Variants in ADAMTS3 observed in about 807,000 individuals in gnomAD.
The protein encoded by ADAMTS3 is A disintegrin and metalloproteinase with thrombospondin motifs 3.
A neutral mutation model predicts 129.0 loss-of-function variants in ADAMTS3; 73 were observed. That is an observed-to-expected ratio of 0.57 (90% CI 0.47 to 0.69). The LOEUF is 0.69. ADAMTS3 is among the 30% of genes least tolerant of loss of function. The pLI is 0.00. For missense variants in ADAMTS3, 1,457 were observed against 1,514.5 expected, an observed-to-expected ratio of 0.96 and a Z score of 0.63; for synonymous variants, 477 against 510.8, an observed-to-expected ratio of 0.93 and a Z score of 0.89.
chr4:72,477,964 C>G (rs1420372266), intron 3 of ADAMTS3, among the ~76,000 whole-genome samples: 2 of 152,128 alleles, frequency 1.3e-5, no homozygotes, highest in Non-Finnish European at 2.9e-5. Context: ...AATTCTTCGA[C>G]ACATACACCC....
intron 19 of ADAMTS3, among the ~76,000 whole-genome samples, chr4:72,293,815 C>T (rs1718738417): frequency 6.6e-6 from 1 of 151,850 alleles, no homozygotes. Context: ...AAAGAAATTA[C>T]TTAGAAACAG....
At chr4:72,518,660 C>T (rs574354062) in intron 3 of ADAMTS3, among the ~76,000 whole-genome samples, 1 of 152,018 alleles carries the variant, frequency 6.6e-6, no homozygotes, top group East Asian at 1.9e-4. Flanking sequence ...GGATTGCAAC[C>T]CCTGCTTTTT....
intron 4 of ADAMTS3, among the ~76,000 whole-genome samples, chr4:72,348,583 T>C (rs1455414829): frequency 6.6e-6 from 1 of 152,038 alleles, no homozygotes; most frequent in East Asian, 1.9e-4. Flanking sequence ...CCTACGATTA[T>C]GTTATGTTAT....
rs1450744228 is a variant in ADAMTS3 at position 72,339,678 on chromosome 4, C to A, written c.677G>T (p.Gly226Val). 6.2e-7 allele frequency: 1 copy of A among 1,613,716 alleles called. No individual in the cohort carries two copies. The highest frequency in any genetic ancestry group is 1.7e-5 in the Admixed American group (1 of 59,970). The change falls in exon 5 of 22, where the codon GGC becomes GTC. Residue 226 changes from glycine (G) to valine (V), a missense_variant. By Grantham distance (109) the Gly-to-Val change is moderately radical. Coordinates refer to ENST00000286657, the MANE Select transcript of ADAMTS3 (RefSeq NM_014243.3). Reference protein sequence around the residue: ...DFHYRESDLEGLDDLGTVYGN... With the variant: ...DFHYRESDLEVLDDLGTVYGN... Reference sequence around the variant, plus strand: ...ATAAACAGTACCTAGATCATCAAGGCCTTCCAGGTCCGACTCTAATAAGAG... The same window carrying A: ...ATAAACAGTACCTAGATCATCAAGGACTTCCAGGTCCGACTCTAATAAGAG...
chr4:72,458,620 CTGAA>C (rs1718686676), intron 3 of ADAMTS3, among the ~76,000 whole-genome samples: 1 of 151,238 alleles, frequency 6.6e-6, no homozygotes, highest in Non-Finnish European at 1.5e-5. Context: ...CAATGAATAA[CTGAA>C]TGAATGATGA....
intron 3 of ADAMTS3, among the ~76,000 whole-genome samples, chr4:72,430,666 A>G (rs1177975692): frequency 6.6e-6 from 1 of 152,036 alleles, no homozygotes; most frequent in East Asian, 1.9e-4. Context: ...GATCTGTTCT[A>G]CAACGATGGA....
At chr4:72,350,612 C>A (rs1720409045) in intron 4 of ADAMTS3, among the ~76,000 whole-genome samples, 1 of 151,892 alleles carries the variant, frequency 6.6e-6, no homozygotes, top group Non-Finnish European at 1.5e-5. Flanking sequence ...CCTTTCGGGT[C>A]TTGCTTGTAA....
intron 3 of ADAMTS3, among the ~76,000 whole-genome samples, chr4:72,508,624 C>G (rs1025707378): frequency 6.6e-6 from 1 of 152,022 alleles, no homozygotes; most frequent in African/African-American, 2.4e-5. Context: ...TTTCATAATA[C>G]CAATATTGAA....
intron 4 of ADAMTS3, among the ~76,000 whole-genome samples, chr4:72,405,506 T>C (rs371060488): frequency 6.6e-6 from 1 of 152,208 alleles, no homozygotes; most frequent in Non-Finnish European, 1.5e-5. Flanking sequence ...ATTTTCTTAA[T>C]ACTTAGTTCT....
chr4:72,440,618 C>T (rs774429852), intron 3 of ADAMTS3, among the ~76,000 whole-genome samples: 2 of 151,748 alleles, frequency 1.3e-5, no homozygotes, highest in African/African-American at 2.4e-5. Context: ...TCACACTTTT[C>T]GTAACAGGCA....
intron 3 of ADAMTS3, among the ~76,000 whole-genome samples, chr4:72,487,877 T>A (rs1719632377): frequency 6.6e-6 from 1 of 152,010 alleles, no homozygotes; most frequent in South Asian, 2.1e-4. Context: ...TCAAAAAGAA[T>A]TCTGATGCAT....
intron 3 of ADAMTS3, among the ~76,000 whole-genome samples, chr4:72,470,826 C>T (rs1719054279): frequency 6.6e-6 from 1 of 151,926 alleles, no homozygotes. Context: ...TTTTTAAAAG[C>T]CAGTTGCAAT....
chr4:72,364,710 G>A (rs1487489233), intron 4 of ADAMTS3, among the ~76,000 whole-genome samples: 2 of 151,870 alleles, frequency 1.3e-5, no homozygotes, highest in Non-Finnish European at 2.9e-5. Context: ...AATGTATAAA[G>A]GAATATATAC....
At position 72,422,288 on chromosome 4, in the gene ADAMTS3, A is replaced by G. The variant is rs188762957; in HGVS notation, c.505-7317T>C. 2.0e-3 allele frequency among the ~76,000 whole-genome samples: 310 copies of G among 152,004 alleles called. 3 individuals are homozygous for G. Among genetic ancestry groups the G allele is most frequent in the African/African-American group, 7.3e-3 (301 of 41,338 alleles). On this transcript the variant is annotated intron_variant, in intron 3 of 21. Transcript: ENST00000286657. Reference sequence around the variant, plus strand: ...TAATCTCAATTAATTGGCATACAATATCAAGATAATGTTTTATAAATTTCC... The same window carrying G: ...TAATCTCAATTAATTGGCATACAATGTCAAGATAATGTTTTATAAATTTCC...
intron 3 of ADAMTS3, among the ~76,000 whole-genome samples, chr4:72,476,786 A>C (rs1018080138): frequency 6.6e-6 from 1 of 152,164 alleles, no homozygotes; most frequent in African/African-American, 2.4e-5. Flanking sequence ...CATAGCAATA[A>C]TATAATGATA....
intron 3 of ADAMTS3, among the ~76,000 whole-genome samples, chr4:72,427,143 T>C (rs768281096): frequency 3.3e-5 from 5 of 152,270 alleles, no homozygotes; most frequent in Non-Finnish European, 5.9e-5. Context: ...CCAAAAGCTC[T>C]GAATGCACTG....
intron 4 of ADAMTS3, among the ~76,000 whole-genome samples, chr4:72,378,967 A>T (rs1721207311): frequency 6.6e-6 from 1 of 152,140 alleles, no homozygotes. Context: ...GATGTCAGAC[A>T]AGAATCACTC....
chr4:72,341,195 TTTCTA>T (rs1720128380), intron 4 of ADAMTS3, among the ~76,000 whole-genome samples: 1 of 152,194 alleles, frequency 6.6e-6, no homozygotes, highest in Non-Finnish European at 1.5e-5. Flanking sequence ...GCTCACACTT[TTTCTA>T]CCTTTAAAAA....
At chr4:72,542,957 G>A (rs1007421215) in intron 3 of ADAMTS3, among the ~76,000 whole-genome samples, 1 of 151,900 alleles carries the variant, frequency 6.6e-6, no homozygotes, top group African/African-American at 2.4e-5. Flanking sequence ...GCTTTTTATG[G>A]TGTCTTTTTC....
Sources: allele counts gnomAD v4.1 joint callset (sites outside exome capture counted in the v4.1 genomes callset), GRCh38; gene constraint gnomAD v4.1.1; transcripts MANE v1.5; gene names NCBI Gene and HGNC (gene_info 2026-07-23, HGNC 2026-07-21).